Variants in CHMP4B observed in about 807,000 individuals in gnomAD.
The protein encoded by CHMP4B is charged multivesicular body protein 4B.
In CHMP4B, 1 loss-of-function variant was observed where a neutral mutation model predicts 25.1. The ratio of observed to expected loss-of-function variants is 0.04; its 90% confidence interval spans 0.01 to 0.19. The LOEUF is 0.19. Among genes scored for constraint, CHMP4B ranks in the 10% least tolerant of loss-of-function variants. CHMP4B has a pLI of 1.00. For missense variants in CHMP4B, 151 were observed against 289.7 expected (o/e 0.52, Z 3.48); for synonymous variants, 101 against 115.6 (o/e 0.87, Z 0.81).
At position 33,849,545 on chromosome 20, in the gene CHMP4B, C is replaced by T. The variant is rs146608915; in HGVS notation, c.368+901C>T. Among the ~76,000 whole-genome samples, 1,375 of 152,176 alleles carry T rather than the reference C, an allele frequency of 9.0e-3. 21 individuals carry two copies. Among genetic ancestry groups the T allele is most frequent in the African/African-American group, 0.031 (1,293 of 41,484 alleles). On this transcript the variant is annotated intron_variant, in intron 2 of 4. Coordinates refer to ENST00000217402, the MANE Select transcript of CHMP4B (RefSeq NM_176812.5). ...CCCAGGAAGTGGAAGTTGCAGTGAG[C>T]CAAAATTGCACCACTGCACTCCAGC...
Position 33,847,884 on chromosome 20 carries a change from A to G in CHMP4B, c.191-583A>G, listed in dbSNP as rs150438835. ...GTTACTTTTCGGGAGCATTGTAACA[A>G]TTTACACAGTTGTTGGCTATGAGTG... On this transcript the variant is annotated intron_variant, in intron 1 of 4. Transcript: ENST00000217402. 2.1e-3 allele frequency among the ~76,000 whole-genome samples: 312 copies of G among 152,102 alleles called. 3 individuals carry two copies. Among genetic ancestry groups the G allele is most frequent in the African/African-American group, 7.4e-3 (305 of 41,478 alleles).
intron 1 of CHMP4B, among the ~76,000 whole-genome samples, chr20:33,838,544 A>G (rs1423503517): frequency 6.6e-6 from 1 of 152,232 alleles, no homozygotes; most frequent in Non-Finnish European, 1.5e-5. Context: ...ATTCAAATTT[A>G]CGTATTAAGA....
intron 2 of CHMP4B, among the ~76,000 whole-genome samples, chr20:33,850,157 A>G (rs1174579340): frequency 6.6e-6 from 1 of 152,232 alleles, no homozygotes; most frequent in Non-Finnish European, 1.5e-5. Context: ...CAGCAGGGTT[A>G]AGTATTTGCA....
At chr20:33,853,402 G>C in intron 4 of CHMP4B, 94 bp from the exon 5 acceptor site, 1 of 1,193,270 alleles carries the variant, frequency 8.4e-7, no homozygotes, top group Non-Finnish European at 1.2e-6. Context: ...AGGGCTGTTT[G>C]ACAGACACCA....
intron 1 of CHMP4B, among the ~76,000 whole-genome samples, chr20:33,823,647 C>T (rs1249456943): frequency 6.6e-6 from 1 of 152,218 alleles, no homozygotes; most frequent in Non-Finnish European, 1.5e-5. Flanking sequence ...AAGCACTTCT[C>T]CTGTCTCAGC....
chr20:33,845,304 G>A (rs1420583678), intron 1 of CHMP4B, among the ~76,000 whole-genome samples: 2 of 151,906 alleles, frequency 1.3e-5, no homozygotes. Context: ...GCAGGCTCTT[G>A]GAAGGCCTTG....
At position 33,837,151 on chromosome 20, in the gene CHMP4B, G is replaced by C. The variant is rs139346160; in HGVS notation, c.191-11316G>C. Among the ~76,000 whole-genome samples the C allele has an allele frequency of 3.9e-4, 59 of 152,278 alleles. No individual in the cohort carries two copies. The East Asian group carries it at 8.5e-3, about 22-fold the overall frequency. ...AAGGAAGAACTGGCCGGGCGCGGTG[G>C]CTCACTCCTGTTATCCCAGCACTTT... On this transcript the variant is annotated intron_variant, in intron 1 of 4. Transcript: ENST00000217402.
rs543022009 is a variant in CHMP4B, at chr20:33,838,547, T to C, written c.191-9920T>C. Among the ~76,000 whole-genome samples the C allele has an allele frequency of 1.4e-4, 22 of 152,284 alleles. No homozygotes were observed. In the East Asian group the frequency reaches 3.9e-3, roughly 27 times the overall value. The stretch of plus-strand genomic sequence containing the variant: ...GTAATATGTAATATTCAAATTTACG[T>C]ATTAAGACACGACTTAAGACATGGG... On this transcript the variant is annotated intron_variant, in intron 1 of 4. Coordinates refer to ENST00000217402, the MANE Select transcript of CHMP4B (RefSeq NM_176812.5).
intron 1 of CHMP4B, among the ~76,000 whole-genome samples, chr20:33,829,082 T>C (rs970270318): frequency 6.6e-6 from 1 of 152,252 alleles, no homozygotes; most frequent in African/African-American, 2.4e-5. Flanking sequence ...TGAAGAATTG[T>C]TGGCCTCTGT....
intron 1 of CHMP4B, among the ~76,000 whole-genome samples, chr20:33,836,644 A>G (rs757992015): frequency 6.6e-6 from 1 of 152,044 alleles, no homozygotes; most frequent in Non-Finnish European, 1.5e-5. Context: ...GTGGCTCTCC[A>G]GGGTTTTCTC....
At chr20:33,827,278 G>A (rs977614379) in intron 1 of CHMP4B, among the ~76,000 whole-genome samples, 2 of 152,192 alleles carry the variant, frequency 1.3e-5, no homozygotes, top group Non-Finnish European at 2.9e-5. Flanking sequence ...ACAACAAAAT[G>A]GGAAGATGGA....
chr20:33,815,767 C>T (rs920786072), intron 1 of CHMP4B, among the ~76,000 whole-genome samples: 1 of 152,168 alleles, frequency 6.6e-6, no homozygotes, highest in South Asian at 2.1e-4. Flanking sequence ...AAATGAGGCT[C>T]ACGACGGGAC....
chr20:33,831,175 A>C (rs1346527203), intron 1 of CHMP4B, among the ~76,000 whole-genome samples: 1 of 150,488 alleles, frequency 6.6e-6, no homozygotes, highest in African/African-American at 2.5e-5. Flanking sequence ...GCTCACTGCA[A>C]CCTCCACCTC....
intron 2 of CHMP4B, 31 bp downstream of exon 2, chr20:33,848,675 G>A: frequency 1.9e-6 from 3 of 1,613,252 alleles, no homozygotes; most frequent in Non-Finnish European, 2.5e-6. Flanking sequence ...GCGCCACAGG[G>A]CAGTGCTAGT....
intron 1 of CHMP4B, among the ~76,000 whole-genome samples, chr20:33,830,104 A>G (rs61368905): frequency 0.03 from 4,512 of 152,336 alleles, 226 homozygotes; most frequent in African/African-American, 0.1. Flanking sequence ...GAATGAAGAC[A>G]TTCTGGTGGA....
At chr20:33,828,932 TGAGAA>T (rs150861829) in intron 1 of CHMP4B, among the ~76,000 whole-genome samples, 5,741 of 152,254 alleles carry the variant, frequency 0.038, 351 homozygotes, top group African/African-American at 0.13. Flanking sequence ...GTCTAGGACT[TGAGAA>T]GAGAACAATA....
In CHMP4B at chr20:33,841,675, T is replaced by C. The variant is rs62209627; in HGVS notation, c.191-6792T>C. ...CTGCAGGTGTATCAACAGCACTCAT[T>C]AGGGGAAGGTATTCTTGAACCAGCC... On this transcript the variant is annotated intron_variant, in intron 1 of 4. Coordinates refer to ENST00000217402, the MANE Select transcript of CHMP4B (RefSeq NM_176812.5). 4.3e-4 allele frequency among the ~76,000 whole-genome samples: 65 copies of C among 152,248 alleles called. 1 individual carries two copies. The highest frequency in any genetic ancestry group is 1.5e-3 in the Admixed American group (23 of 15,288).
At position 33,817,548 on chromosome 20, in the gene CHMP4B, A is replaced by G. The variant is rs141646062; in HGVS notation, c.190+5890A>G. On this transcript the variant is annotated intron_variant, in intron 1 of 4. Transcript: ENST00000217402. Reference sequence around the variant, plus strand: ...GGAGCGAGGTCTTGGAGAGCATCCTATGAAGATGTGTGCGAGCCAGCCATC... The same window carrying G: ...GGAGCGAGGTCTTGGAGAGCATCCTGTGAAGATGTGTGCGAGCCAGCCATC... Among the ~76,000 whole-genome samples the G allele has an allele frequency of 3.3e-3, 510 of 152,310 alleles. 2 individuals are homozygous for G. The highest frequency in any genetic ancestry group is 5.4e-3 in the Non-Finnish European group (366 of 68,024).
intron 1 of CHMP4B, among the ~76,000 whole-genome samples, chr20:33,820,011 C>CAA (rs374709271): frequency 2.0e-4 from 29 of 143,316 alleles, no homozygotes; most frequent in Non-Finnish European, 2.4e-4. Flanking sequence ...ACTAAAAATA[C>CAA]AAAAAAAAAA....
Sources: allele counts gnomAD v4.1 joint callset (sites outside exome capture counted in the v4.1 genomes callset), GRCh38; gene constraint gnomAD v4.1.1; transcripts MANE v1.5; gene names NCBI Gene and HGNC (gene_info 2026-07-23, HGNC 2026-07-21).